The following AGBL4 variants were observed in gnomAD, a reference collection of about 807,000 sequenced individuals.
AGBL4 encodes AGBL carboxypeptidase 4.
AGBL4 carries 58 observed loss-of-function variants against 66.4 expected under a neutral mutation model. The ratio of observed to expected loss-of-function variants is 0.87; its 90% confidence interval spans 0.71 to 1.09. AGBL4 has a LOEUF of 1.09. AGBL4 is among the 50% of genes least tolerant of loss of function. The pLI, the probability that AGBL4 is intolerant of heterozygous loss-of-function variation, is 0.00. For missense variants in AGBL4, 579 were observed against 631.0 expected (o/e 0.92, Z 0.88); for synonymous variants, 234 against 222.9 (o/e 1.05, Z -0.44).
chr1:49,072,526 T>A (rs1644628090), intron 4 of AGBL4, among the ~76,000 whole-genome samples: 1 of 152,212 alleles, frequency 6.6e-6, no homozygotes, highest in Non-Finnish European at 1.5e-5. Flanking sequence ...GATATGAAAT[T>A]CTGGGTTGAA....
chr1:49,775,014 T>C (rs896390250), intron 2 of AGBL4, among the ~76,000 whole-genome samples: 1 of 152,138 alleles, frequency 6.6e-6, no homozygotes, highest in African/African-American at 2.4e-5. Flanking sequence ...AAGTAATTTA[T>C]GAGATACACA....
At chr1:49,887,194 T>C (rs1337628462) in intron 1 of AGBL4, among the ~76,000 whole-genome samples, 2 of 149,904 alleles carry the variant, frequency 1.3e-5, no homozygotes, top group Non-Finnish European at 3.0e-5. Flanking sequence ...TATATATGTG[T>C]ATGTATATAT....
chr1:48,821,552 T>C (rs1364660328), intron 6 of AGBL4, among the ~76,000 whole-genome samples: 3 of 152,064 alleles, frequency 2.0e-5, no homozygotes, highest in African/African-American at 7.2e-5. Flanking sequence ...TGGACACATA[T>C]GGATATAAAG....
At chr1:49,337,551 G>A (rs1645461857) in intron 3 of AGBL4, among the ~76,000 whole-genome samples, 1 of 152,076 alleles carries the variant, frequency 6.6e-6, no homozygotes, top group Non-Finnish European at 1.5e-5. Context: ...GAATGCTCTG[G>A]GTAAAACACT....
chr1:49,749,264 T>C (rs997030458), intron 2 of AGBL4, among the ~76,000 whole-genome samples: 3 of 152,176 alleles, frequency 2.0e-5, no homozygotes, highest in African/African-American at 7.2e-5. Flanking sequence ...AAATAGGGAA[T>C]CCTTTCCCCA....
intron 4 of AGBL4, among the ~76,000 whole-genome samples, chr1:49,059,060 T>C (rs1266200674): frequency 6.6e-6 from 1 of 152,190 alleles, no homozygotes; most frequent in Admixed American, 6.5e-5. Context: ...GAAATTTGCA[T>C]AAGTAACAAG....
intron 11 of AGBL4, among the ~76,000 whole-genome samples, chr1:48,581,526 T>C (rs1044449633): frequency 2.0e-5 from 3 of 152,234 alleles, no homozygotes; most frequent in Non-Finnish European, 4.4e-5. Flanking sequence ...TCTGGGTTAC[T>C]TTATGATTCC....
chr1:48,628,182 C>T (rs147296378), intron 9 of AGBL4, among the ~76,000 whole-genome samples: 33 of 152,302 alleles, frequency 2.2e-4, no homozygotes, highest in African/African-American at 7.9e-4. Context: ...CCAGGGAACA[C>T]TAGCCTTTAT....
At chr1:49,711,312 T>C (rs192897990) in intron 2 of AGBL4, among the ~76,000 whole-genome samples, 4 of 152,276 alleles carry the variant, frequency 2.6e-5, no homozygotes, top group Admixed American at 1.3e-4. Context: ...AGAAACTTTA[T>C]TTGTAATAGC....
chr1:49,426,184 A>C (rs1312584258), intron 3 of AGBL4, among the ~76,000 whole-genome samples: 1 of 152,344 alleles, frequency 6.6e-6, no homozygotes, highest in South Asian at 2.1e-4. Flanking sequence ...TTCTCTTCAA[A>C]ATAATACAGC....
Position 48,917,346 on chromosome 1 carries a change from C to A in AGBL4, c.595-50116G>T, listed in dbSNP as rs1653673981. On this transcript the variant is annotated intron_variant, in intron 5 of 13. Coordinates refer to ENST00000371839, the MANE Select transcript of AGBL4 (RefSeq NM_032785.4). Reference sequence around the variant, plus strand: ...CAATTTAGTTTTCAAGACCAAGATGCTACCTATGAGACAATAGATGTGTAG... The same window carrying A: ...CAATTTAGTTTTCAAGACCAAGATGATACCTATGAGACAATAGATGTGTAG... Among the ~76,000 whole-genome samples, 2 of 152,102 alleles carry A rather than the reference C, an allele frequency of 1.3e-5. 1 individual carries two copies.
At chr1:49,263,249 T>C (rs984061297) in intron 3 of AGBL4, among the ~76,000 whole-genome samples, 3 of 116,482 alleles carry the variant, frequency 2.6e-5, no homozygotes, top group Non-Finnish European at 4.5e-5. Context: ...GGCACATGTA[T>C]ACATATGTAA....
In AGBL4 at chr1:49,221,161, A is replaced by G. The variant is rs1238450060; in HGVS notation, c.377+24609T>C. Among the ~76,000 whole-genome samples, 4 of 152,132 alleles carry G rather than the reference A, an allele frequency of 2.6e-5. No individual in the cohort carries two copies. In the East Asian group the frequency reaches 7.7e-4, roughly 29 times the overall value. Reference sequence around the variant, plus strand: ...AGTTTTAACGGGATTCCATTGTGCTATATGGCATAAAGGGCAAACATCTTG... The same window carrying G: ...AGTTTTAACGGGATTCCATTGTGCTGTATGGCATAAAGGGCAAACATCTTG... On this transcript the variant is annotated intron_variant, in intron 4 of 13. Transcript: ENST00000371839.
At chr1:49,027,230 G>A (rs906921154) in intron 5 of AGBL4, among the ~76,000 whole-genome samples, 3 of 151,828 alleles carry the variant, frequency 2.0e-5, no homozygotes, top group African/African-American at 7.3e-5. Context: ...GCGTGATCTC[G>A]GCTCACTACA....
chr1:48,983,881 T>C (rs1165921853), intron 5 of AGBL4, among the ~76,000 whole-genome samples: 1 of 152,078 alleles, frequency 6.6e-6, no homozygotes, highest in Non-Finnish European at 1.5e-5. Context: ...GTTAACCATA[T>C]AAATGAGGAA....
chr1:49,483,980 G>A (rs767562658), intron 3 of AGBL4, among the ~76,000 whole-genome samples: 34 of 151,816 alleles, frequency 2.2e-4, no homozygotes, highest in Non-Finnish European at 4.4e-4. Context: ...CATACAAATG[G>A]CAAATGGGTA....
chr1:49,098,274 G>A lies in AGBL4; in HGVS notation c.378-52474C>T, dbSNP rs140065708. 1.6e-3 allele frequency among the ~76,000 whole-genome samples: 248 copies of A among 152,338 alleles called. 2 individuals carry two copies. Among genetic ancestry groups the A allele is most frequent in the African/African-American group, 5.8e-3 (241 of 41,574 alleles). ...TAAAGAAAATTGGAGTACATGTGTT[G>A]TATCTGAAAAAGGGAGGACGATTTC... On this transcript the variant is annotated intron_variant, in intron 4 of 13. Coordinates refer to ENST00000371839, the MANE Select transcript of AGBL4 (RefSeq NM_032785.4).
chr1:48,711,832 C>A (rs1570322510), intron 6 of AGBL4, among the ~76,000 whole-genome samples: 1 of 152,230 alleles, frequency 6.6e-6, no homozygotes, highest in Middle Eastern at 3.4e-3. Flanking sequence ...AGCACCCTAA[C>A]AATCTTCTTG....
At chr1:49,034,013 C>T (rs1190339539) in intron 5 of AGBL4, among the ~76,000 whole-genome samples, 2 of 151,978 alleles carry the variant, frequency 1.3e-5, no homozygotes, top group East Asian at 3.9e-4. Context: ...AATCCCATGA[C>T]AAGGGGTTGG....
Sources: gnomAD v4.1 joint callset for allele counts (sites outside exome capture counted in the v4.1 genomes callset) on GRCh38, gnomAD v4.1.1 for gene constraint, MANE v1.5 for transcripts, NCBI Gene and HGNC (gene_info 2026-07-23, HGNC 2026-07-21) for gene names.